Variants in CADM2 observed in about 807,000 individuals in gnomAD.
CADM2 encodes immunoglobulin superfamily member 4D.
A neutral mutation model predicts 49.8 loss-of-function variants in CADM2; 12 were observed. That is an observed-to-expected ratio of 0.24 (90% confidence interval 0.15 to 0.39). CADM2 has a LOEUF of 0.39. CADM2 is among the 10% of genes least tolerant of loss of function. CADM2 has a pLI of 1.00. For synonymous variants in CADM2, 214 were observed against 175.4 expected (o/e 1.22, Z -1.74); for missense variants, 378 against 492.3 (o/e 0.77, Z 2.20).
rs1219687423 is a variant in CADM2 at position 85,658,580 on chromosome 3, A to G, written c.62-67942A>G. 4.9e-3 allele frequency among the ~76,000 whole-genome samples: 310 copies of G among 62,894 alleles called. 1 individual carries two copies. Among genetic ancestry groups the G allele is most frequent in the African/African-American group, 0.011 (139 of 12,258 alleles). The allele number at this position is 62,894 out of a possible 152,430, so 41.3% of individuals were successfully genotyped here. A position where few individuals can be genotyped will look rare whatever the true frequency, so the allele number is the denominator to read the frequency against. Reference sequence around the variant, plus strand: ...ATAAATATATTGGATATATGTGTATATATATATATATATATATATATATAT... The same window carrying G: ...ATAAATATATTGGATATATGTGTATGTATATATATATATATATATATATAT... On this transcript the variant is annotated intron_variant, in intron 1 of 9. Transcript: ENST00000383699.
intron 1 of CADM2, among the ~76,000 whole-genome samples, chr3:85,071,994 G>A (rs986751911): frequency 1.3e-5 from 2 of 150,398 alleles, no homozygotes; most frequent in Admixed American, 6.6e-5. Flanking sequence ...ATATGAAATG[G>A]TAAACTGTAA....
Position 84,959,597 on chromosome 3 carries a change from G to A in CADM2, c.-11G>A. On this transcript the variant is annotated 5_prime_UTR_variant, in exon 1 of 10. Transcript: ENST00000383699. ...CCCTCGTTCCTTCCCCAGCCCTTTA[G>A]AGAAGGGACCATGATTTGGAAACGC... is the stretch of plus-strand genomic sequence containing the variant. 1 of 1,536,872 alleles carries A rather than the reference G, an allele frequency of 6.5e-7. No homozygotes were observed. The highest frequency in any genetic ancestry group is 8.7e-7 in the Non-Finnish European group (1 of 1,146,662).
chr3:85,488,663 C>T (rs2039533543), intron 1 of CADM2, among the ~76,000 whole-genome samples: 1 of 152,078 alleles, frequency 6.6e-6, no homozygotes, highest in Non-Finnish European at 1.5e-5. Context: ...TCCCAAGTAG[C>T]TGGGATTAGA....
chr3:85,027,217 C>CGATT (rs1192927527), intron 1 of CADM2, among the ~76,000 whole-genome samples: 2 of 140,624 alleles, frequency 1.4e-5, no homozygotes, highest in African/African-American at 2.7e-5. Flanking sequence ...CGGGTTTAAG[C>CGATT]GATTCTCCTG....
intron 1 of CADM2, among the ~76,000 whole-genome samples, chr3:85,046,606 T>C (rs1425705424): frequency 2.0e-5 from 3 of 151,994 alleles, no homozygotes; most frequent in Non-Finnish European, 4.4e-5. Context: ...CTAAGAACTA[T>C]AATTTTAGGA....
chr3:85,984,908 G>A (rs1024485006), intron 8 of CADM2, among the ~76,000 whole-genome samples: 1 of 151,744 alleles, frequency 6.6e-6, no homozygotes, highest in Admixed American at 6.6e-5. Flanking sequence ...AATGAGATTC[G>A]TTGCAACAGA....
intron 1 of CADM2, among the ~76,000 whole-genome samples, chr3:84,967,816 A>G (rs183452260): frequency 6.6e-6 from 1 of 152,162 alleles, no homozygotes; most frequent in African/African-American, 2.4e-5. Context: ...AACATGTGCA[A>G]TGTGTATTGA....
chr3:85,956,584 G>A (rs897894084), intron 7 of CADM2, among the ~76,000 whole-genome samples: 1 of 151,194 alleles, frequency 6.6e-6, no homozygotes, highest in African/African-American at 2.4e-5. Flanking sequence ...ATCAGTGTCA[G>A]CAAAGACTTA....
chr3:86,005,270 G>A (rs2106851468), intron 8 of CADM2, among the ~76,000 whole-genome samples: 1 of 152,198 alleles, frequency 6.6e-6, no homozygotes, highest in African/African-American at 2.4e-5. Flanking sequence ...ATAATTTTGT[G>A]GCCGGGCGTG....
intron 8 of CADM2, among the ~76,000 whole-genome samples, chr3:86,060,296 G>T (rs1186250639): frequency 1.3e-5 from 2 of 151,394 alleles, no homozygotes; most frequent in Non-Finnish European, 2.9e-5. Flanking sequence ...AAGGTTACAG[G>T]CAAAAAAAAT....
intron 1 of CADM2, among the ~76,000 whole-genome samples, chr3:85,309,348 G>T (rs2044288406): frequency 6.6e-6 from 1 of 152,104 alleles, no homozygotes; most frequent in African/African-American, 2.4e-5. Flanking sequence ...AGTGCCACTG[G>T]GATCCGGAGG....
chr3:85,247,684 C>T (rs909104047), intron 1 of CADM2, among the ~76,000 whole-genome samples: 2 of 152,028 alleles, frequency 1.3e-5, no homozygotes, highest in African/African-American at 2.4e-5. Context: ...TGTTTGTTTT[C>T]GTTTTTCACT....
chr3:85,042,517 T>A (rs1402126541), intron 1 of CADM2, among the ~76,000 whole-genome samples: 2 of 152,154 alleles, frequency 1.3e-5, no homozygotes, highest in Non-Finnish European at 2.9e-5. Flanking sequence ...TTCATTTCTT[T>A]TTAGATGCTC....
intron 1 of CADM2, among the ~76,000 whole-genome samples, chr3:85,045,533 A>G (rs1158708900): frequency 2.6e-5 from 4 of 152,142 alleles, no homozygotes; most frequent in Admixed American, 1.3e-4. Flanking sequence ...TAATACTACT[A>G]TCTCAGGGTT....
intron 8 of CADM2, among the ~76,000 whole-genome samples, chr3:86,043,965 G>T (rs557095786): frequency 6.6e-6 from 1 of 151,936 alleles, no homozygotes; most frequent in African/African-American, 2.4e-5. Context: ...TGGGGAAACG[G>T]TTCCCTATTT....
intron 1 of CADM2, among the ~76,000 whole-genome samples, chr3:85,463,076 G>A (rs564308981): frequency 2.6e-5 from 4 of 152,048 alleles, no homozygotes; most frequent in Non-Finnish European, 4.4e-5. Context: ...CCATATGACC[G>A]CTTAGATTCT....
At chr3:85,491,083 G>C (rs1445134433) in intron 1 of CADM2, among the ~76,000 whole-genome samples, 9 of 152,082 alleles carry the variant, frequency 5.9e-5, no homozygotes, top group Non-Finnish European at 1.0e-4. Flanking sequence ...GACCTTAAAG[G>C]TCCCCAAATC....
chr3:85,490,895 G>T (rs141208147), intron 1 of CADM2, among the ~76,000 whole-genome samples: 1 of 151,382 alleles, frequency 6.6e-6, no homozygotes, highest in East Asian at 1.9e-4. Context: ...GATACCTGTA[G>T]AATAAAAAAT....
At chr3:85,846,890 T>C (rs920325632) in intron 3 of CADM2, among the ~76,000 whole-genome samples, 5 of 152,104 alleles carry the variant, frequency 3.3e-5, no homozygotes, top group Non-Finnish European at 5.9e-5. Context: ...TATAAGATTT[T>C]GCGTCTATTT....
Sources: gnomAD v4.1 joint callset for allele counts (sites outside exome capture counted in the v4.1 genomes callset) on GRCh38, gnomAD v4.1.1 for gene constraint, MANE v1.5 for transcripts, NCBI Gene and HGNC (gene_info 2026-07-23, HGNC 2026-07-21) for gene names.